Variants in CHD7 observed in about 807,000 individuals in gnomAD.
The protein encoded by CHD7 is ATP-dependent chromatin remodeler CHD7.
Under a neutral mutation model 307.3 loss-of-function variants are expected in CHD7, and 24 were observed. The ratio of observed to expected loss-of-function variants is 0.08; its 90% CI spans 0.06 to 0.11. CHD7 has a LOEUF of 0.11. Ranked by LOEUF, CHD7 falls within the 10% of genes least tolerant of loss-of-function variation. The pLI is 1.00. For synonymous variants in CHD7, 1,363 were observed against 1,349.9 expected (o/e 1.01, Z -0.21); for missense variants, 3,106 against 3,727.1 (o/e 0.83, Z 4.34).
chr8:60,743,908 T>C (rs1809188494), intron 2 of CHD7, among the ~76,000 whole-genome samples: 1 of 152,252 alleles, frequency 6.6e-6, no homozygotes, highest in Admixed American at 6.5e-5. Context: ...TCTACCAGAA[T>C]TGCAGCTCTG....
chr8:60,683,071 A>T lies in CHD7; in HGVS notation c.-175+3989A>T, dbSNP rs1298876338. On this transcript the variant is annotated intron_variant, in intron 1 of 37. Coordinates refer to ENST00000423902, the MANE Select transcript of CHD7 (RefSeq NM_017780.4). ...AATTGTCTTGTTCACTCATGTGGGCATATTTGTGTATCTTAAAAAAATCTG... is the reference window on the plus strand; with the variant it reads ...AATTGTCTTGTTCACTCATGTGGGCTTATTTGTGTATCTTAAAAAAATCTG... 2.0e-5 allele frequency among the ~76,000 whole-genome samples: 3 copies of T among 152,338 alleles called. No homozygotes were observed. In the East Asian group the frequency reaches 5.8e-4, roughly 29 times the overall value.
At chr8:60,738,031 A>G (rs1323492658) in intron 1 of CHD7, among the ~76,000 whole-genome samples, 1 of 152,266 alleles carries the variant, frequency 6.6e-6, no homozygotes, top group African/African-American at 2.4e-5. Context: ...TAAAACATAA[A>G]TGCAACTTGA....
chr8:60,721,928 C>CT (rs1167857048), intron 1 of CHD7, among the ~76,000 whole-genome samples: 1 of 152,188 alleles, frequency 6.6e-6, no homozygotes. Context: ...ATGAATGAAA[C>CT]TTTTTAGGTC....
In CHD7 at chr8:60,739,244, G is replaced by A. The variant is rs191308193; in HGVS notation, c.-174-2015G>A. 1.4e-3 allele frequency among the ~76,000 whole-genome samples: 214 copies of A among 152,300 alleles called. 1 individual carries two copies. Among genetic ancestry groups the A allele is most frequent in the Admixed American group, 0.013 (192 of 15,304 alleles). ...TGCTCCCCAGGACACATATGTAGAC[G>A]TTACTTTCCTTAAGCTAATTTGAAA... On this transcript the variant is annotated intron_variant, in intron 1 of 37. Transcript: ENST00000423902.
rs1374317422 is a variant in CHD7, at chr8:60,836,142, A to G, written c.3848A>G (p.Gln1283Arg). The G allele has an allele frequency of 3.7e-6, 6 of 1,613,600 alleles. No individual in the cohort carries two copies. The African/African-American group carries it at 5.3e-5, about 14-fold the overall frequency. ...HNAESPDFQL[Q>R]AMIQAAGKLV... ...GCAGAGTCTCCAGATTTTCAGCTCCAGGCAATGATCCAGGCTGCTGGCAAG... is the reference window on the plus strand; with the variant it reads ...GCAGAGTCTCCAGATTTTCAGCTCCGGGCAATGATCCAGGCTGCTGGCAAG... Residue 1283 changes from glutamine to arginine, a missense_variant, in exon 16 of 38, where the codon CAG (glutamine) becomes CGG (arginine). Coordinates refer to ENST00000423902, the MANE Select transcript of CHD7 (RefSeq NM_017780.4).
intron 35 of CHD7, 65 bp downstream of exon 35, chr8:60,861,190 A>T (rs1029879591): frequency 1.6e-6 from 2 of 1,243,218 alleles, no homozygotes; most frequent in East Asian, 5.1e-5. Flanking sequence ...TTCCCTTACA[A>T]CATAGAAATC....
At chr8:60,697,504 T>C (rs967421608) in intron 1 of CHD7, among the ~76,000 whole-genome samples, 5 of 152,156 alleles carry the variant, frequency 3.3e-5, no homozygotes, top group Admixed American at 1.3e-4. Context: ...AAATAATAAA[T>C]GGGTTGTTGG....
At chr8:60,765,256 T>C (rs1181431528) in intron 2 of CHD7, among the ~76,000 whole-genome samples, 3 of 151,506 alleles carry the variant, frequency 2.0e-5, no homozygotes, top group Non-Finnish European at 2.9e-5. Context: ...CACACACACA[T>C]GTATTTATAT....
intron 29 of CHD7, 94 bp from the exon 30 acceptor site, chr8:60,852,404 C>A: frequency 1.5e-6 from 2 of 1,339,400 alleles, no homozygotes; most frequent in South Asian, 1.4e-5. Flanking sequence ...CAAATAACTA[C>A]CATGTATAAA....
At chr8:60,803,881 T>C (rs1052130504) in intron 6 of CHD7, among the ~76,000 whole-genome samples, 67 of 152,352 alleles carry the variant, frequency 4.4e-4, no homozygotes, top group African/African-American at 1.5e-3. Context: ...CTTATTACCA[T>C]GAATAATTTA....
chr8:60,865,328 C>T lies in CHD7; in HGVS notation c.8389C>T (p.Pro2797Ser), dbSNP rs769500488. ...TGCGAAGAACCCTGCTGCTGTGCTG[C>T]CCCTGATGCTGCCAGGAATGGCGGG... The part of the protein sequence containing the change: ...GDAKNPAAVL[P>S]LMLPGMAGLP... The change falls in exon 38 of 38, where the codon CCC becomes TCC. Residue 2797 changes from proline (P) to serine (S), a missense_variant. Transcript: ENST00000423902. The surrounding 1 kb of genome is among the most constrained non-coding windows in gnomAD (Gnocchi z 4.3). 3.4e-5 allele frequency: 55 copies of T among 1,612,054 alleles called. No homozygotes were observed. The Admixed American group carries it at 8.7e-4, about 26-fold the overall frequency.
In CHD7 at chr8:60,855,967, C is replaced by G. The variant is rs765520430; in HGVS notation, c.6937-8C>G. ...TAAAATTTCTTGTGACTTTTCTTCT[C>G]CCTCCAGGATAGAGTAATGATAAAC... is the stretch of plus-strand genomic sequence containing the variant. On this transcript the variant is annotated splice_polypyrimidine_tract_variant and splice_region_variant and intron_variant, in intron 32 of 37. Coordinates refer to ENST00000423902, the MANE Select transcript of CHD7 (RefSeq NM_017780.4). 1.3e-6 allele frequency: 2 copies of G among 1,576,802 alleles called. No homozygotes were observed. Among genetic ancestry groups the G allele is most frequent in the Non-Finnish European group, 1.7e-6 (2 of 1,154,534 alleles).
At chr8:60,735,895 T>C (rs115928757) in intron 1 of CHD7, among the ~76,000 whole-genome samples, 1 of 152,232 alleles carries the variant, frequency 6.6e-6, no homozygotes, top group African/African-American at 2.4e-5. Flanking sequence ...AGCACTTGAA[T>C]GTGGCTTGTG....
At chr8:60,796,938 GGTACT>G (rs1463193709) in intron 4 of CHD7, among the ~76,000 whole-genome samples, 2 of 152,132 alleles carry the variant, frequency 1.3e-5, no homozygotes, top group African/African-American at 4.8e-5. Context: ...TGTGTCACAA[GGTACT>G]GCAACAGTGA....
At chr8:60,822,457 C>A in intron 11 of CHD7, 46 bp from the exon 12 acceptor site, 1 of 1,583,052 alleles carries the variant, frequency 6.3e-7, no homozygotes, top group Non-Finnish European at 8.6e-7. Context: ...AGCAGTGTGT[C>A]ATATCCATAC....
intron 34 of CHD7, among the ~76,000 whole-genome samples, chr8:60,857,334 T>A (rs978446268): frequency 1.3e-5 from 2 of 152,234 alleles, no homozygotes; most frequent in Non-Finnish European, 2.9e-5. Context: ...GTAGATATTT[T>A]AAAAATTTGA....
intron 1 of CHD7, among the ~76,000 whole-genome samples, chr8:60,740,825 A>G (rs1808961824): frequency 2.0e-5 from 3 of 152,222 alleles, no homozygotes. Context: ...TACACCGCTC[A>G]GGGGAATAAG....
Position 60,781,038 on chromosome 8 carries a change from G to A in CHD7, c.1704G>A (p.Pro568=), listed in dbSNP as rs765715877. Residue 568 remains proline, a synonymous_variant, in exon 3 of 38, where the codon CCG becomes CCA. Transcript: ENST00000423902. ...PSEPFLEKPV[P]DMTQVSGPNA... is the part of the protein sequence containing the mutation. ...AGCCCTTTCTAGAGAAACCAGTGCC[G>A]GATATGACTCAGGTTAGTGGACCGA... The A allele has an allele frequency of 1.1e-5, 17 of 1,595,338 alleles. No individual in the cohort carries two copies. Among genetic ancestry groups the A allele is most frequent in the African/African-American group, 4.1e-5 (3 of 73,756 alleles).
chr8:60,865,552 T>C lies in CHD7; in HGVS notation c.8613T>C (p.Asn2871=), dbSNP rs1332141467. The change falls in exon 38 of 38, where the codon AAT becomes AAC. Residue 2871 remains asparagine (N), a synonymous_variant. Transcript: ENST00000423902. The surrounding 1 kb of genome is among the most constrained non-coding windows in gnomAD (Gnocchi z 4.3). ...TDAVSAADSA[N]GSVGAATAPA... The stretch of plus-strand genomic sequence containing the variant: ...CTGTTTCGGCTGCTGACTCTGCGAA[T>C]GGATCTGTTGGTGCTGCTACTGCCC... 6.2e-7 allele frequency: 1 copy of C among 1,614,076 alleles called. No individual in the cohort carries two copies. Among genetic ancestry groups the C allele is most frequent in the Non-Finnish European group, 8.5e-7 (1 of 1,179,904 alleles).
Sources: gnomAD v4.1 joint callset for allele counts (sites outside exome capture counted in the v4.1 genomes callset) on GRCh38, gnomAD v4.1.1 for gene constraint, Gnocchi (gnomAD v3.1) non-coding constraint, MANE v1.5 for transcripts, NCBI Gene and HGNC (gene_info 2026-07-23, HGNC 2026-07-21) for gene names.